Variants in FSTL4 observed in about 807,000 individuals in gnomAD.
The protein encoded by FSTL4 is follistatin-related protein 4.
FSTL4 carries 28 observed loss-of-function variants against 78.2 expected under a neutral mutation model. That is an observed-to-expected ratio of 0.36 (90% CI 0.27 to 0.49). The LOEUF (loss-of-function observed/expected upper bound fraction) is 0.49, where lower values mean the gene tolerates loss of function less well. FSTL4 is among the 20% of genes least tolerant of loss of function. The pLI, the probability that FSTL4 is intolerant of heterozygous loss-of-function variation, is 0.98. For synonymous variants in FSTL4, 422 were observed against 440.5 expected (o/e 0.96, Z 0.53); for missense variants, 922 against 1,084.9 (o/e 0.85, Z 2.11).
chr5:133,839,214 C>T, the FSTL4 span, among the ~76,000 whole-genome samples: 1 of 152,180 alleles, frequency 6.6e-6, no homozygotes, highest in Non-Finnish European at 1.5e-5. Flanking sequence ...GCCTGAGTCT[C>T]CTGCTGCCCC....
Position 133,324,400 on chromosome 5 carries a change from G to A in FSTL4, c.410-7748C>T, listed in dbSNP as rs79128332. On this transcript the variant is annotated intron_variant, in intron 4 of 15. Transcript: ENST00000265342. Reference sequence around the variant, plus strand: ...TGAGGCACCTGCATGGTGGTGGGGCGGGAAAGTGGGCTCTCTCTTGCTGCC... The same window carrying A: ...TGAGGCACCTGCATGGTGGTGGGGCAGGAAAGTGGGCTCTCTCTTGCTGCC... Among the ~76,000 whole-genome samples the A allele has an allele frequency of 0.01, 1,582 of 152,326 alleles. 52 individuals carry two copies. The East Asian group carries it at 0.11, about 11-fold the overall frequency.
intron 3 of FSTL4, among the ~76,000 whole-genome samples, chr5:133,476,807 C>T (rs1056399467): frequency 2.0e-5 from 3 of 152,178 alleles, no homozygotes; most frequent in Non-Finnish European, 2.9e-5. Flanking sequence ...TCACTGACCC[C>T]GAGTCAGTGA....
chr5:133,317,909 T>C (rs1171703259), intron 4 of FSTL4, among the ~76,000 whole-genome samples: 1 of 152,228 alleles, frequency 6.6e-6, no homozygotes, highest in Non-Finnish European at 1.5e-5. Context: ...TCAGGGAAGC[T>C]ACTGGGGGGA....
the FSTL4 span, among the ~76,000 whole-genome samples, chr5:133,622,504 C>G: frequency 1.3e-5 from 2 of 152,058 alleles, no homozygotes; most frequent in African/African-American, 4.8e-5. Context: ...ATAAAAGAAC[C>G]AGCAAAATTA....
At chr5:133,314,826 A>ATAT (rs1225873548) in intron 5 of FSTL4, among the ~76,000 whole-genome samples, 1 of 152,050 alleles carries the variant, frequency 6.6e-6, no homozygotes, top group East Asian at 1.9e-4. Context: ...AATAATAATA[A>ATAT]AAATGATGAT....
chr5:133,501,202 A>C (rs2112877699), intron 3 of FSTL4, among the ~76,000 whole-genome samples: 1 of 152,282 alleles, frequency 6.6e-6, no homozygotes, highest in South Asian at 2.1e-4. Flanking sequence ...GGAAAGGAAG[A>C]CATCTTCCAA....
chr5:133,658,318 C>T, the FSTL4 span, among the ~76,000 whole-genome samples: 22 of 152,160 alleles, frequency 1.4e-4, no homozygotes, highest in African/African-American at 4.8e-4. Context: ...CTCTTGATTT[C>T]GGATGGTTTG....
At chr5:133,547,642 A>C (rs1041994009) in intron 3 of FSTL4, among the ~76,000 whole-genome samples, 6 of 152,146 alleles carry the variant, frequency 3.9e-5, no homozygotes, top group Non-Finnish European at 8.8e-5. Flanking sequence ...GGACTGGATT[A>C]ATTACCACAA....
chr5:133,567,721 A>G (rs532222081), intron 2 of FSTL4, among the ~76,000 whole-genome samples: 182 of 152,356 alleles, frequency 1.2e-3, no homozygotes, highest in Non-Finnish European at 2.1e-3. Flanking sequence ...ATAGTTTCCA[A>G]AGGGTGAGAT....
At chr5:133,606,139 A>G (rs1320634432) in intron 1 of FSTL4, among the ~76,000 whole-genome samples, 1 of 152,184 alleles carries the variant, frequency 6.6e-6, no homozygotes, top group East Asian at 1.9e-4. Flanking sequence ...TGTTTTCTTG[A>G]GATGGAGTTT....
intron 3 of FSTL4, among the ~76,000 whole-genome samples, chr5:133,561,873 C>T (rs1051755406): frequency 6.6e-6 from 1 of 152,200 alleles, no homozygotes; most frequent in African/African-American, 2.4e-5. Context: ...CGGCTAGGTG[C>T]ACCATGCACT....
intron 2 of FSTL4, among the ~76,000 whole-genome samples, chr5:133,570,452 C>T (rs1299908731): frequency 6.6e-6 from 1 of 152,094 alleles, no homozygotes; most frequent in East Asian, 1.9e-4. Flanking sequence ...CCTCCCAGTT[C>T]TTCCACTTCA....
intron 3 of FSTL4, among the ~76,000 whole-genome samples, chr5:133,550,463 G>T (rs1759668840): frequency 6.6e-6 from 1 of 152,138 alleles, no homozygotes; most frequent in African/African-American, 2.4e-5. Context: ...CTTAGAATTA[G>T]AAGTCACAAC....
rs963324029 is a variant in FSTL4, at chr5:133,300,133, A to G, written c.727+12521T>C. ...TAAGTGCCCTAAGCCCTCAAGCCTC[A>G]AGGGTGTTGGTGGAGGCCCGGGATG... is the stretch of plus-strand genomic sequence containing the variant. On this transcript the variant is annotated intron_variant, in intron 6 of 15. Transcript: ENST00000265342. Among the ~76,000 whole-genome samples the G allele has an allele frequency of 9.2e-5, 14 of 152,256 alleles. No individual in the cohort carries two copies. In the South Asian group the frequency reaches 1.2e-3, roughly 14 times the overall value.
At chr5:133,623,546 T>TG in the FSTL4 span, among the ~76,000 whole-genome samples, 2 of 151,974 alleles carry the variant, frequency 1.3e-5, no homozygotes, top group Non-Finnish European at 2.9e-5. Context: ...CCTAAACTCT[T>TG]GGGGGGAAAT....
At chr5:133,205,872 C>G (rs1331535708) in intron 14 of FSTL4, among the ~76,000 whole-genome samples, 2 of 152,184 alleles carry the variant, frequency 1.3e-5, no homozygotes, top group Admixed American at 6.5e-5. Flanking sequence ...AAAATATCCT[C>G]AAAGCTTTGG....
chr5:133,795,561 C>T, the FSTL4 span, among the ~76,000 whole-genome samples: 9 of 152,268 alleles, frequency 5.9e-5, no homozygotes, highest in Admixed American at 2.0e-4. Flanking sequence ...AGAAGGACTT[C>T]GGAAAGCTTT....
chr5:133,599,884 T>TG (rs1279672024), intron 2 of FSTL4, among the ~76,000 whole-genome samples: 1 of 152,018 alleles, frequency 6.6e-6, no homozygotes, highest in African/African-American at 2.4e-5. Context: ...GCCCCAAAAG[T>TG]GGGGGGCTCC....
chr5:133,449,187 T>C (rs1333836685), intron 3 of FSTL4, among the ~76,000 whole-genome samples: 1 of 152,102 alleles, frequency 6.6e-6, no homozygotes, highest in Non-Finnish European at 1.5e-5. Flanking sequence ...ACCATAGGCC[T>C]GGGGGGTAGG....
Sources: gnomAD v4.1 joint callset for allele counts (sites outside exome capture counted in the v4.1 genomes callset) on GRCh38, gnomAD v4.1.1 for gene constraint, MANE v1.5 for transcripts, NCBI Gene and HGNC (gene_info 2026-07-23, HGNC 2026-07-21) for gene names.